Variants in KATNAL2 observed in about 807,000 individuals in gnomAD.
The protein encoded by KATNAL2 is katanin p60 ATPase-containing subunit A-like 2.
A neutral mutation model predicts 76.3 loss-of-function variants in KATNAL2; 52 were observed. The observed-to-expected ratio is 0.68, with a 90% CI of 0.55 to 0.86. The LOEUF is 0.86. KATNAL2 is among the 40% of genes least tolerant of loss of function. KATNAL2 has a pLI of 0.00. For missense variants in KATNAL2, 660 were observed against 668.9 expected, an observed-to-expected ratio of 0.99 and a Z score of 0.15; for synonymous variants, 243 against 244.2, an observed-to-expected ratio of 1.00 and a Z score of 0.05.
Position 47,102,028 on chromosome 18 carries a change from A to T in KATNAL2, c.*1023A>T, listed in dbSNP as rs1364065691. 6.6e-6 allele frequency: 1 copy of T among 152,214 alleles called. No homozygotes were observed. Among genetic ancestry groups the T allele is most frequent in the Non-Finnish European group, 1.5e-5 (1 of 68,048 alleles). 9.4% of individuals were successfully genotyped at this position (152,214 alleles called of 1,614,324 possible). A position where few individuals can be genotyped will look rare whatever the true frequency, so the allele number is the denominator to read the frequency against. Reference sequence around the variant, plus strand: ...CCTTGTCTTCATCATCCCTGCAGACAGACTCTTCAAGAGGAAAAACCTCCA... The same window carrying T: ...CCTTGTCTTCATCATCCCTGCAGACTGACTCTTCAAGAGGAAAAACCTCCA... On this transcript the variant is annotated 3_prime_UTR_variant, in exon 18 of 18. Coordinates refer to ENST00000683218, the MANE Select transcript of KATNAL2 (RefSeq NM_001387690.1).
intron 1 of KATNAL2, among the ~76,000 whole-genome samples, chr18:46,938,180 C>T (rs1007933647): frequency 1.3e-5 from 2 of 151,932 alleles, no homozygotes; most frequent in African/African-American, 4.8e-5. Flanking sequence ...ATCTCAAAAA[C>T]AATGTTAAAT....
chr18:46,956,410 C>G (rs2059748769), intron 3 of KATNAL2, among the ~76,000 whole-genome samples: 1 of 152,118 alleles, frequency 6.6e-6, no homozygotes, highest in Non-Finnish European at 1.5e-5. Context: ...TCTTTGTTTC[C>G]TACATTTCTT....
At chr18:46,928,070 C>G (rs1015085162) in intron 1 of KATNAL2, among the ~76,000 whole-genome samples, 2 of 152,114 alleles carry the variant, frequency 1.3e-5, no homozygotes, top group African/African-American at 4.8e-5. Flanking sequence ...CGTCTGAAGC[C>G]TTCTTCTCTC....
chr18:46,965,985 A>AGAGT (rs2076301120), intron 3 of KATNAL2, among the ~76,000 whole-genome samples: 6 of 119,476 alleles, frequency 5.0e-5, no homozygotes, highest in African/African-American at 1.9e-4. Context: ...TCTCTCTCTC[A>AGAGT]GTGTGTGTGT....
At chr18:47,088,898 T>G (rs921692179) in intron 15 of KATNAL2, among the ~76,000 whole-genome samples, 1 of 152,206 alleles carries the variant, frequency 6.6e-6, no homozygotes, top group East Asian at 1.9e-4. Context: ...TAAGAGGAGA[T>G]CTGTGGTCCT....
At position 46,938,821 on chromosome 18, in the gene KATNAL2, C is replaced by A. The variant is rs919513718; in HGVS notation, c.-509-7236C>A. ...TTTATCCCTGGTTCACTTAGTGTCA[C>A]TATCCTTCCTCCAGTATCATTATCT... On this transcript the variant is annotated intron_variant, in intron 1 of 17. Coordinates refer to ENST00000683218, the MANE Select transcript of KATNAL2 (RefSeq NM_001387690.1). 5.3e-5 allele frequency among the ~76,000 whole-genome samples: 8 copies of A among 152,250 alleles called. No individual in the cohort carries two copies. The East Asian group carries it at 1.4e-3, about 26-fold the overall frequency.
intron 14 of KATNAL2, among the ~76,000 whole-genome samples, chr18:47,075,828 C>G (rs1251730613): frequency 1.3e-5 from 2 of 152,202 alleles, no homozygotes; most frequent in Non-Finnish European, 2.9e-5. Flanking sequence ...GAAAACACCA[C>G]TTCTCTGTGG....
chr18:47,041,372 G>A (rs2164104), intron 3 of KATNAL2, among the ~76,000 whole-genome samples: 2 of 151,930 alleles, frequency 1.3e-5, no homozygotes, highest in Admixed American at 6.6e-5. Context: ...CTTCCTCCCC[G>A]CAACCCCTGG....
chr18:46,941,448 G>T (rs1170712704), intron 1 of KATNAL2, among the ~76,000 whole-genome samples: 1 of 152,034 alleles, frequency 6.6e-6, no homozygotes, highest in Admixed American at 6.6e-5. Context: ...AACTAAAATT[G>T]GATTATATTT....
At chr18:46,955,154 C>CTTTCTTTCTTTCTTTCTT (rs2059698416) in intron 3 of KATNAL2, among the ~76,000 whole-genome samples, 1 of 136,370 alleles carries the variant, frequency 7.3e-6, no homozygotes, top group Non-Finnish European at 1.6e-5. Flanking sequence ...TTCTTTCTTT[C>CTTTCTTTCTTTCTTTCTT]TTTCTTTCTT....
intron 3 of KATNAL2, among the ~76,000 whole-genome samples, chr18:46,959,777 G>C (rs1045356857): frequency 6.6e-6 from 1 of 152,126 alleles, no homozygotes; most frequent in Non-Finnish European, 1.5e-5. Flanking sequence ...GTTTCACCAT[G>C]TTGGCCAGGC....
intron 3 of KATNAL2, among the ~76,000 whole-genome samples, chr18:46,949,526 C>T (rs1176778998): frequency 2.6e-5 from 4 of 152,208 alleles, no homozygotes; most frequent in East Asian, 1.9e-4. Context: ...GGATTACAAG[C>T]GTGAGCCTTC....
chr18:46,957,511 C>T (rs1026634002), intron 3 of KATNAL2, among the ~76,000 whole-genome samples: 2 of 149,982 alleles, frequency 1.3e-5, no homozygotes, highest in Admixed American at 1.3e-4. Context: ...GCCTTGGCCT[C>T]CCAAAGTGCT....
rs540052072 is a variant in KATNAL2, at chr18:47,073,394, C to G, written c.1009-1883C>G. Among the ~76,000 whole-genome samples, 9 of 152,204 alleles carry G rather than the reference C, an allele frequency of 5.9e-5. No individual in the cohort carries two copies. The East Asian group carries it at 1.7e-3, about 29-fold the overall frequency. On this transcript the variant is annotated intron_variant, in intron 13 of 17. Coordinates refer to ENST00000683218, the MANE Select transcript of KATNAL2 (RefSeq NM_001387690.1). ...AATAATTCAAGAAGAAACAGATAAC[C>G]TCTGCTAACCTCGAAGGAACTCGTC...
chr18:47,089,990 G>T (rs1202351244), intron 15 of KATNAL2, among the ~76,000 whole-genome samples: 1 of 152,180 alleles, frequency 6.6e-6, no homozygotes, highest in Admixed American at 6.5e-5. Context: ...GTTTCACCAT[G>T]TTGCCAAGGC....
In KATNAL2 at chr18:46,946,340, G is replaced by T; in HGVS notation, c.-226G>T. On this transcript the variant is annotated 5_prime_UTR_variant, in exon 2 of 18. In the 5' UTR this introduces an upstream ATG that the reference lacks. Transcript: ENST00000683218. ...GTGATGCACAGTTTGCATCCCAGAA[G>T]GCTCTTGACAACCAAAGTGTCCACA... The T allele has an allele frequency of 9.7e-7, 1 of 1,029,536 alleles. No homozygotes were observed. The highest frequency in any genetic ancestry group is 1.2e-6 in the Non-Finnish European group (1 of 854,438). 63.8% of individuals were successfully genotyped at this position (1,029,536 alleles called of 1,614,324 possible). A position where few individuals can be genotyped will look rare whatever the true frequency, so the allele number is the denominator to read the frequency against.
chr18:47,036,901 AAGTT>A (rs2060796586), intron 3 of KATNAL2, among the ~76,000 whole-genome samples: 1 of 152,222 alleles, frequency 6.6e-6, no homozygotes, highest in Non-Finnish European at 1.5e-5. Context: ...CAGCATTTGA[AAGTT>A]AGGAAGTTTC....
In KATNAL2 at chr18:47,065,450, G is replaced by C. The variant is rs575166876; in HGVS notation, c.727-1571G>C. Reference sequence around the variant, plus strand: ...GATTTTGGTATGGGGGAGAGTGTCGGGGGGGGAACAGGGAGAGGTTCTGGA... The same window carrying C: ...GATTTTGGTATGGGGGAGAGTGTCGCGGGGGGAACAGGGAGAGGTTCTGGA... On this transcript the variant is annotated intron_variant, in intron 10 of 17. Coordinates refer to ENST00000683218, the MANE Select transcript of KATNAL2 (RefSeq NM_001387690.1). 8.6e-5 allele frequency among the ~76,000 whole-genome samples: 13 copies of C among 151,006 alleles called. No homozygotes were observed. In the East Asian group the frequency reaches 1.6e-3, roughly 18 times the overall value.
At chr18:46,955,059 G>T (rs930259600) in intron 3 of KATNAL2, among the ~76,000 whole-genome samples, 12 of 151,836 alleles carry the variant, frequency 7.9e-5, no homozygotes, top group Non-Finnish European at 1.3e-4. Flanking sequence ...TTATCCATTT[G>T]CTTCCCCTGT....
Sources: gnomAD v4.1 joint callset for allele counts (sites outside exome capture counted in the v4.1 genomes callset) on GRCh38, gnomAD v4.1.1 for gene constraint, MANE v1.5 for transcripts, NCBI Gene and HGNC (gene_info 2026-07-23, HGNC 2026-07-21) for gene names.